Variants in SFXN5 observed in about 807,000 individuals in gnomAD.
The protein encoded by SFXN5 is sideroflexin 5, also known as sideroflexin-5.
A neutral mutation model predicts 50.2 loss-of-function variants in SFXN5; 43 were observed. The observed-to-expected ratio is 0.86, with a 90% CI of 0.67 to 1.11. The LOEUF (loss-of-function observed/expected upper bound fraction) is 1.11. Ranked by LOEUF, SFXN5 falls within the 50% of genes least tolerant of loss-of-function variation. SFXN5 has a pLI of 0.00. For missense variants in SFXN5, 463 were observed against 454.1 expected (o/e 1.02, Z -0.18); for synonymous variants, 203 against 185.8 (o/e 1.09, Z -0.75).
intron 2 of SFXN5, among the ~76,000 whole-genome samples, chr2:73,050,851 T>C (rs951330675): frequency 6.6e-6 from 1 of 152,256 alleles, no homozygotes; most frequent in Non-Finnish European, 1.5e-5. Context: ...ATATGTATGC[T>C]CTGCTTCCCT....
chr2:73,055,844 C>G (rs1205099985), intron 2 of SFXN5, among the ~76,000 whole-genome samples: 1 of 152,186 alleles, frequency 6.6e-6, no homozygotes, highest in Non-Finnish European at 1.5e-5. Flanking sequence ...GTCTCAATCT[C>G]CTGACCTCGT....
At chr2:72,948,431 G>A (rs1330825362) in intron 13 of SFXN5, among the ~76,000 whole-genome samples, 1 of 152,200 alleles carries the variant, frequency 6.6e-6, no homozygotes, top group Non-Finnish European at 1.5e-5. Context: ...AAGACATCTT[G>A]GATGTCAGAG....
rs1683626701 is a variant in SFXN5, at chr2:73,071,557, CCT to C, written c.102+45_102+46del. The stretch of plus-strand genomic sequence containing the variant: ...GGACTTTGGAGGGGAGTTTGCTCGT[CCT>C]CTCTTTGCCACCCGCCGGCCCGCAG... On this transcript the variant is annotated intron_variant, in intron 1 of 13. Coordinates refer to ENST00000272433, the MANE Select transcript of SFXN5 (RefSeq NM_144579.3). 2.5e-6 allele frequency: 4 copies of C among 1,571,926 alleles called. No homozygotes were observed. The East Asian group carries it at 6.9e-5, about 27-fold the overall frequency.
chr2:72,951,406 C>T (rs1342251062), intron 13 of SFXN5, among the ~76,000 whole-genome samples: 5 of 152,206 alleles, frequency 3.3e-5, no homozygotes, highest in African/African-American at 1.2e-4. Flanking sequence ...CAAGCACCTT[C>T]CCTTGTGGTG....
intron 10 of SFXN5, among the ~76,000 whole-genome samples, chr2:72,975,629 C>T (rs1020365514): frequency 8.5e-5 from 13 of 152,238 alleles, no homozygotes; most frequent in Non-Finnish European, 1.6e-4. Context: ...TGCTACTCAA[C>T]ACAATTGCCT....
intron 1 of SFXN5, among the ~76,000 whole-genome samples, chr2:73,069,867 T>C (rs763787073): frequency 1.1e-4 from 16 of 151,912 alleles, no homozygotes; most frequent in Middle Eastern, 6.8e-3. Context: ...GGCACATTAC[T>C]ATATGCCTAA....
At chr2:72,984,662 G>C (rs1385852810) in intron 10 of SFXN5, among the ~76,000 whole-genome samples, 1 of 152,218 alleles carries the variant, frequency 6.6e-6, no homozygotes, top group East Asian at 1.9e-4. Context: ...AGAGAGGCTT[G>C]CTAGGGAATA....
In SFXN5 at chr2:73,047,240, A is replaced by G. The variant is rs1321941176; in HGVS notation, c.172-6309T>C. On this transcript the variant is annotated intron_variant, in intron 2 of 13. Transcript: ENST00000272433. Reference sequence around the variant, plus strand: ...CTCGTAAAAAAAAAAAAAAAAAAAAAAAAAAATATATATATATATATATAT... The same window carrying G: ...CTCGTAAAAAAAAAAAAAAAAAAAAGAAAAAATATATATATATATATATAT... Among the ~76,000 whole-genome samples the G allele has an allele frequency of 3.0e-3, 179 of 60,624 alleles. 4 individuals are homozygous for G. Among genetic ancestry groups the G allele is most frequent in the African/African-American group, 0.012 (134 of 11,274 alleles). The allele number at this position is 60,624 out of a possible 152,430, so 39.8% of individuals were successfully genotyped here.
intron 11 of SFXN5, among the ~76,000 whole-genome samples, chr2:72,970,263 C>T (rs1420388091): frequency 6.6e-6 from 1 of 152,204 alleles, no homozygotes; most frequent in Non-Finnish European, 1.5e-5. Context: ...GGAACCTGGG[C>T]TCTTCATGGT....
chr2:73,007,262 G>A (rs996592980), intron 6 of SFXN5, among the ~76,000 whole-genome samples: 11 of 152,050 alleles, frequency 7.2e-5, no homozygotes, highest in East Asian at 1.9e-4. Flanking sequence ...TTTTAAAAGC[G>A]TGGGAAACCT....
intron 6 of SFXN5, among the ~76,000 whole-genome samples, chr2:73,012,496 G>A (rs564128100): frequency 6.6e-6 from 1 of 151,902 alleles, no homozygotes; most frequent in South Asian, 2.1e-4. Context: ...GATTCCAGGG[G>A]AAGGGGGAAG....
intron 10 of SFXN5, among the ~76,000 whole-genome samples, chr2:72,977,223 T>C (rs1670724350): frequency 6.6e-6 from 1 of 152,190 alleles, no homozygotes. Context: ...AGAGCAACAC[T>C]GCGGGAAGCA....
intron 6 of SFXN5, among the ~76,000 whole-genome samples, chr2:73,006,334 G>A (rs1674632386): frequency 6.6e-6 from 1 of 152,158 alleles, no homozygotes; most frequent in South Asian, 2.1e-4. Flanking sequence ...CCCTAAGAAT[G>A]AATGCTTACA....
At chr2:72,984,754 G>C (rs2105546573) in intron 10 of SFXN5, among the ~76,000 whole-genome samples, 1 of 152,290 alleles carries the variant, frequency 6.6e-6, no homozygotes, top group Admixed American at 6.5e-5. Flanking sequence ...GGAAGGGGCT[G>C]AAGGAGGGTC....
At chr2:73,003,900 C>A (rs933035062) in intron 6 of SFXN5, among the ~76,000 whole-genome samples, 3 of 152,190 alleles carry the variant, frequency 2.0e-5, no homozygotes, top group Non-Finnish European at 2.9e-5. Flanking sequence ...TAACATGGGT[C>A]TGGAGTCCAT....
intron 10 of SFXN5, among the ~76,000 whole-genome samples, chr2:72,979,132 A>G (rs1670990159): frequency 6.6e-6 from 1 of 152,228 alleles, no homozygotes; most frequent in African/African-American, 2.4e-5. Flanking sequence ...AATTTTGAAA[A>G]ATTCATGAAC....
chr2:72,983,284 G>C (rs1054458871), intron 10 of SFXN5, among the ~76,000 whole-genome samples: 11 of 152,194 alleles, frequency 7.2e-5, no homozygotes, highest in Non-Finnish European at 1.6e-4. Context: ...CTCCCAAATA[G>C]TGCCAGGACA....
At chr2:73,042,692 T>C (rs546070742) in intron 2 of SFXN5, 1 of 152,158 alleles carries the variant, frequency 6.6e-6, no homozygotes, top group African/African-American at 2.4e-5. Context: ...CTAAGGAGGC[T>C]GAGATGGGAG....
intron 1 of SFXN5, among the ~76,000 whole-genome samples, chr2:73,067,218 A>T (rs778466987): frequency 5.3e-5 from 8 of 152,216 alleles, no homozygotes; most frequent in Non-Finnish European, 1.0e-4. Context: ...GTTGAGGGAC[A>T]CTCTATAAAA....
Sources: allele counts gnomAD v4.1 joint callset (sites outside exome capture counted in the v4.1 genomes callset), GRCh38; gene constraint gnomAD v4.1.1; transcripts MANE v1.5; gene names NCBI Gene and HGNC (gene_info 2026-07-23, HGNC 2026-07-21).